TEX11: variants seen among roughly 807,000 people sequenced by gnomAD.
TEX11 encodes testis expressed 11, also known as testis-expressed protein 11.
In TEX11, 7 loss-of-function variants were observed where a neutral mutation model predicts 84.4. The ratio of observed to expected loss-of-function variants is 0.08; its 90% CI spans 0.05 to 0.16. TEX11 has a LOEUF of 0.16. TEX11 is among the 10% of genes least tolerant of loss of function. The pLI is 1.00. For missense variants in TEX11, 551 were observed against 660.5 expected (o/e 0.83, Z 1.82); for synonymous variants, 264 against 222.8 (o/e 1.18, Z -1.64).
chrX:70,677,786 C>T (rs1222706386), intron 15 of TEX11, among the ~76,000 whole-genome samples: 2 of 103,712 alleles, frequency 1.9e-5, no homozygotes, highest in African/African-American at 7.0e-5. Flanking sequence ...TTGTAATGCT[C>T]ACTTTCTTTC....
intron 28 of TEX11, among the ~76,000 whole-genome samples, chrX:70,539,906 C>T (rs2088019317): frequency 9.0e-6 from 1 of 110,982 alleles, no homozygotes; most frequent in South Asian, 3.8e-4. Context: ...GAAAAAAGCC[C>T]CAAGAAAAGT....
At chrX:70,797,109 T>C (rs2091159923) in intron 9 of TEX11, among the ~76,000 whole-genome samples, 1 of 112,023 alleles carries the variant, frequency 8.9e-6, no homozygotes, top group African/African-American at 3.2e-5. Context: ...ATTTCATTAC[T>C]GGGGATACAG....
At chrX:70,751,634 A>G (rs2090826634) in intron 9 of TEX11, among the ~76,000 whole-genome samples, 1 of 111,146 alleles carries the variant, frequency 9.0e-6, no homozygotes, top group South Asian at 3.8e-4. Flanking sequence ...AAAGTATAAT[A>G]AACAAAAAAA....
Position 70,569,925 on chromosome X carries a change from G to A in TEX11, c.2141-15125C>T, listed in dbSNP as rs756196667. Among the ~76,000 whole-genome samples, 170 of 111,848 alleles carry A rather than the reference G, an allele frequency of 1.5e-3. 1 individual carries two copies. Among genetic ancestry groups the A allele is most frequent in the African/African-American group, 5.4e-3 (166 of 30,841 alleles). ...CCAGCTGTGTGCTGGGAGAACCACTGCTCTCTTCAAAGCTGTCAGACAGGG... is the reference window on the plus strand; with the variant it reads ...CCAGCTGTGTGCTGGGAGAACCACTACTCTCTTCAAAGCTGTCAGACAGGG... On this transcript the variant is annotated intron_variant, in intron 25 of 29. Coordinates refer to ENST00000374333, the MANE Select transcript of TEX11 (RefSeq NM_031276.3).
At chrX:70,800,958 T>A (rs1185588475) in intron 9 of TEX11, among the ~76,000 whole-genome samples, 1 of 111,670 alleles carries the variant, frequency 9.0e-6, no homozygotes, top group African/African-American at 3.2e-5. Context: ...TAGGCTTAAT[T>A]TTTCAGTGCA....
intron 16 of TEX11, among the ~76,000 whole-genome samples, chrX:70,655,003 A>G (rs1431180800): frequency 9.1e-6 from 1 of 110,344 alleles, no homozygotes; most frequent in Non-Finnish European, 1.9e-5. Context: ...ACTTTAAGGC[A>G]GAAAATAATA....
intron 13 of TEX11, among the ~76,000 whole-genome samples, chrX:70,709,066 C>T (rs1181648129): frequency 2.7e-5 from 3 of 111,492 alleles, no homozygotes; most frequent in Non-Finnish European, 5.7e-5. Context: ...TTCTGTACCA[C>T]CTTCACTTCC....
In TEX11 at chrX:70,602,246, C is replaced by A. The variant is rs1378287899; in HGVS notation, c.2067+3155G>T. ...TACCAAAGCCGGGCAGAGACACAAC[C>A]AAAAAAGAGAATTTTAGACCAATAT... On this transcript the variant is annotated intron_variant, in intron 24 of 29. Transcript: ENST00000374333. Among the ~76,000 whole-genome samples the A allele has an allele frequency of 4.5e-5, 5 of 111,474 alleles. No individual in the cohort carries two copies. The East Asian group carries it at 1.1e-3, about 25-fold the overall frequency.
intron 13 of TEX11, among the ~76,000 whole-genome samples, chrX:70,710,647 G>A (rs1305306581): frequency 1.8e-5 from 2 of 109,008 alleles, no homozygotes; most frequent in Non-Finnish European, 3.8e-5. Flanking sequence ...TCTAAGAAAT[G>A]CAGATCAGGT....
intron 2 of TEX11, among the ~76,000 whole-genome samples, chrX:70,900,871 G>A (rs2091799589): frequency 9.0e-6 from 1 of 111,235 alleles, no homozygotes; most frequent in African/African-American, 3.3e-5. Flanking sequence ...TTGCGCCTGG[G>A]AGGTGGAGGT....
chrX:70,856,755 T>C (rs1257420188), intron 5 of TEX11, among the ~76,000 whole-genome samples: 1 of 111,052 alleles, frequency 9.0e-6, no homozygotes, highest in Non-Finnish European at 1.9e-5. Flanking sequence ...CGATGGACTA[T>C]TAAGTGACAC....
the TEX11 span, among the ~76,000 whole-genome samples, chrX:70,516,758 G>A: frequency 9.0e-6 from 1 of 110,639 alleles, no homozygotes; most frequent in South Asian, 4.0e-4. Flanking sequence ...CATGAGCATG[G>A]AATGTTCTTC....
intron 9 of TEX11, among the ~76,000 whole-genome samples, chrX:70,759,757 T>C (rs2147768045): frequency 8.9e-6 from 1 of 111,753 alleles, no homozygotes; most frequent in South Asian, 3.8e-4. Flanking sequence ...TTGGAAGTTC[T>C]GGCCAGGACA....
rs185506797 is a variant in TEX11 at position 70,809,686 on chromosome X, G to T, written c.607-2896C>A. Among the ~76,000 whole-genome samples, 48 of 110,944 alleles carry T rather than the reference G, an allele frequency of 4.3e-4. No homozygotes were observed. The East Asian group carries it at 0.013, about 31-fold the overall frequency. ...GTCAGGATGGGTACTGGTGATCTTG[G>T]TTTTTCGGGGTTAGTTTTGTTTTGT... is the stretch of plus-strand genomic sequence containing the variant. On this transcript the variant is annotated intron_variant, in intron 8 of 29. Transcript: ENST00000374333.
chrX:70,897,206 A>G (rs755612711), intron 2 of TEX11, among the ~76,000 whole-genome samples: 2 of 64,950 alleles, frequency 3.1e-5, no homozygotes, highest in African/African-American at 9.8e-5. Flanking sequence ...TATATATTAT[A>G]TATATATAAC....
At chrX:70,701,101 T>C (rs184819795) in intron 13 of TEX11, among the ~76,000 whole-genome samples, 51 of 112,243 alleles carry the variant, frequency 4.5e-4, no homozygotes, top group Admixed American at 2.6e-3. Flanking sequence ...ATGAAGAAGC[T>C]GCGGCAAGTT....
At chrX:70,907,550 C>T (rs1029598029) in intron 2 of TEX11, among the ~76,000 whole-genome samples, 3 of 111,416 alleles carry the variant, frequency 2.7e-5, no homozygotes, top group African/African-American at 6.5e-5. Context: ...GGGATTACCA[C>T]GCCCAACTAA....
At chrX:70,636,927 C>A (rs978946335) in intron 17 of TEX11, among the ~76,000 whole-genome samples, 18 of 112,019 alleles carry the variant, frequency 1.6e-4, no homozygotes, top group African/African-American at 4.2e-4. Context: ...GACTAAAGAG[C>A]TGCTGCACAG....
At chrX:70,682,559 GA>G (rs1381535042) in intron 14 of TEX11, 114 bp downstream of exon 14, 6 of 822,072 alleles carry the variant, frequency 7.3e-6, no homozygotes, top group Non-Finnish European at 8.6e-6. Flanking sequence ...TAGGGAGGAA[GA>G]AAAAAAGGAA....
Sources: gnomAD v4.1 joint callset for allele counts (sites outside exome capture counted in the v4.1 genomes callset) on GRCh38, gnomAD v4.1.1 for gene constraint, MANE v1.5 for transcripts, NCBI Gene and HGNC (gene_info 2026-07-23, HGNC 2026-07-21) for gene names.